The following WDPCP variants were observed in gnomAD, a reference collection of about 807,000 sequenced individuals.
WDPCP encodes the protein WD repeat-containing and planar cell polarity effector protein fritz homolog.
In WDPCP, 71 loss-of-function variants were observed where a neutral mutation model predicts 93.1. That is an observed-to-expected ratio of 0.76 (90% CI 0.63 to 0.93). The LOEUF (loss-of-function observed/expected upper bound fraction) is 0.93, where lower values mean the gene tolerates loss of function less well. WDPCP is among the 40% of genes least tolerant of loss of function. The probability of loss-of-function intolerance (pLI) is 0.00; values close to 1 mark genes in which losing one functional copy is unlikely to be tolerated. For synonymous variants in WDPCP, 315 were observed against 315.0 expected (o/e 1.00, Z 0.00); for missense variants, 844 against 887.4 (o/e 0.95, Z 0.62).
chr2:63,731,779 A>G (rs1669565059), intron 2 of WDPCP, among the ~76,000 whole-genome samples: 1 of 152,236 alleles, frequency 6.6e-6, no homozygotes, highest in Admixed American at 6.5e-5. Context: ...AAGAGCTTGT[A>G]ATCTCAAGAT....
intron 1 of WDPCP, among the ~76,000 whole-genome samples, chr2:63,502,903 G>A (rs571863377): frequency 1.3e-5 from 2 of 152,104 alleles, no homozygotes; most frequent in Admixed American, 6.5e-5. Flanking sequence ...GCTAACCACT[G>A]GTCAGATGAT....
At chr2:63,634,517 T>C (rs1436371577) in intron 3 of WDPCP, among the ~76,000 whole-genome samples, 1 of 152,228 alleles carries the variant, frequency 6.6e-6, no homozygotes, top group African/African-American at 2.4e-5. Context: ...TTAGATCAAA[T>C]GTACCTAACA....
chr2:63,326,618 GGAAGAGAC>G (rs1687568136), intron 12 of WDPCP, among the ~76,000 whole-genome samples: 1 of 151,376 alleles, frequency 6.6e-6, no homozygotes, highest in African/African-American at 2.4e-5. Context: ...GACAGAGAGA[GGAAGAGAC>G]AGAGAGACAG....
intron 1 of WDPCP, among the ~76,000 whole-genome samples, chr2:63,510,406 A>C (rs1702156003): frequency 6.6e-6 from 1 of 152,254 alleles, no homozygotes; most frequent in Non-Finnish European, 1.5e-5. Flanking sequence ...AACACTTAAT[A>C]AACTAGGTAT....
chr2:63,303,876 A>C (rs530810289), intron 13 of WDPCP, among the ~76,000 whole-genome samples: 6 of 152,216 alleles, frequency 3.9e-5, no homozygotes, highest in Middle Eastern at 3.4e-3. Context: ...ACATATGAAA[A>C]AATGCTCAAC....
intron 12 of WDPCP, among the ~76,000 whole-genome samples, chr2:63,328,380 C>T (rs192767476): frequency 1.6e-4 from 25 of 152,234 alleles, no homozygotes; most frequent in African/African-American, 5.3e-4. Context: ...TTTGGGTCCG[C>T]GCTGCCTTTA....
chr2:63,377,550 A>C (rs567789441), intron 12 of WDPCP, among the ~76,000 whole-genome samples: 7 of 151,208 alleles, frequency 4.6e-5, no homozygotes, highest in African/African-American at 1.7e-4. Flanking sequence ...TTATTTAATA[A>C]TTTACTATAC....
intron 17 of WDPCP, among the ~76,000 whole-genome samples, chr2:63,141,798 T>G (rs1671078229): frequency 6.6e-6 from 1 of 152,134 alleles, no homozygotes; most frequent in Non-Finnish European, 1.5e-5. Flanking sequence ...AAAAATACCA[T>G]TTCGATCTCG....
At chr2:63,486,961 C>A (rs1172954939) in intron 3 of WDPCP, among the ~76,000 whole-genome samples, 1 of 152,018 alleles carries the variant, frequency 6.6e-6, no homozygotes, top group Admixed American at 6.6e-5. Context: ...AGGCTGCTCA[C>A]ACAAGCCCAC....
At chr2:63,419,260 GC>G (rs1443722769) in intron 9 of WDPCP, among the ~76,000 whole-genome samples, 1 of 152,120 alleles carries the variant, frequency 6.6e-6, no homozygotes, top group Non-Finnish European at 1.5e-5. Flanking sequence ...CTCTGCCTCA[GC>G]CTCCCGAGTA....
the WDPCP span, among the ~76,000 whole-genome samples, chr2:63,833,785 A>G: frequency 1.3e-5 from 2 of 152,240 alleles, no homozygotes. Flanking sequence ...AAAGACAACA[A>G]AAAGGATTTT....
intron 15 of WDPCP, among the ~76,000 whole-genome samples, chr2:63,161,153 A>G (rs1672614225): frequency 6.6e-6 from 1 of 152,240 alleles, no homozygotes; most frequent in African/African-American, 2.4e-5. Context: ...GAAGTGAGTC[A>G]GGGCATACTT....
chr2:63,608,969 A>C (rs529403043), intron 3 of WDPCP, among the ~76,000 whole-genome samples: 1 of 152,332 alleles, frequency 6.6e-6, no homozygotes, highest in East Asian at 1.9e-4. Flanking sequence ...GAATTGTACC[A>C]GTTGTTATTT....
chr2:63,196,574 C>A (rs1041844951), intron 14 of WDPCP, among the ~76,000 whole-genome samples: 4 of 152,042 alleles, frequency 2.6e-5, no homozygotes, highest in African/African-American at 9.7e-5. Context: ...GAATTTAATG[C>A]CAGCAAAGGA....
chr2:63,604,480 C>A (rs1285036988), intron 3 of WDPCP, among the ~76,000 whole-genome samples: 1 of 152,192 alleles, frequency 6.6e-6, no homozygotes, highest in Non-Finnish European at 1.5e-5. Flanking sequence ...CATTCTACTC[C>A]ATAAGGTTTC....
At chr2:63,344,581 C>T (rs1689064646) in intron 12 of WDPCP, among the ~76,000 whole-genome samples, 1 of 152,160 alleles carries the variant, frequency 6.6e-6, no homozygotes, top group Non-Finnish European at 1.5e-5. Context: ...ATATCTTTCT[C>T]CTCATCCTTT....
At chr2:63,288,046 C>G (rs148970302) in intron 13 of WDPCP, among the ~76,000 whole-genome samples, 2 of 152,318 alleles carry the variant, frequency 1.3e-5, no homozygotes, top group African/African-American at 4.8e-5. Flanking sequence ...CAGATGTAAG[C>G]CATCCTACAA....
chr2:63,622,774 C>T (rs1479321162), intron 3 of WDPCP: 139 of 1,612,266 alleles, frequency 8.6e-5, no homozygotes, highest in Non-Finnish European at 9.2e-5. Context: ...CAGAAGGCGG[C>T]GAACACTTGG....
intron 9 of WDPCP, among the ~76,000 whole-genome samples, chr2:63,413,983 G>GA (rs35422709): frequency 0.37 from 54,200 of 147,338 alleles, 10,202 homozygotes; most frequent in Non-Finnish European, 0.41. Flanking sequence ...AAATCAATAA[G>GA]AAAAAAAAAA....
Sources: gnomAD v4.1 joint callset for allele counts (sites outside exome capture counted in the v4.1 genomes callset) on GRCh38, gnomAD v4.1.1 for gene constraint, MANE v1.5 for transcripts, NCBI Gene and HGNC (gene_info 2026-07-23, HGNC 2026-07-21) for gene names.